TAFA4: variants seen among roughly 807,000 people sequenced by gnomAD.
TAFA4 encodes the protein chemokine-like protein TAFA-4.
In TAFA4, 20 loss-of-function variants were observed where a neutral mutation model predicts 21.1. That is an observed-to-expected ratio of 0.95 (90% confidence interval 0.67 to 1.38). The LOEUF (loss-of-function observed/expected upper bound fraction) is 1.38. TAFA4 is among the 40% of genes most tolerant of loss of function. The pLI is 0.00. For synonymous variants in TAFA4, 71 were observed against 67.4 expected (o/e 1.05, Z -0.26); for missense variants, 211 against 180.9 (o/e 1.17, Z -0.95).
chr3:68,868,748 T>C (rs1035964159), intron 3 of TAFA4, among the ~76,000 whole-genome samples: 1 of 151,612 alleles, frequency 6.6e-6, no homozygotes, highest in Non-Finnish European at 1.5e-5. Flanking sequence ...AAAAGCAGCA[T>C]TAAAAGTGAA....
At chr3:68,733,433 C>G (rs557722079) in intron 5 of TAFA4, among the ~76,000 whole-genome samples, 6 of 152,122 alleles carry the variant, frequency 3.9e-5, no homozygotes, top group Non-Finnish European at 7.4e-5. Flanking sequence ...GTACACTCAT[C>G]GCCCATCAGT....
At chr3:68,742,076 A>ATG (rs1702367020) in intron 4 of TAFA4, among the ~76,000 whole-genome samples, 1 of 152,362 alleles carries the variant, frequency 6.6e-6, no homozygotes, top group Admixed American at 6.5e-5. Context: ...TAATCAATAA[A>ATG]TGTGATACAC....
At chr3:68,900,921 A>C (rs1478273735) in intron 1 of TAFA4, among the ~76,000 whole-genome samples, 1 of 152,184 alleles carries the variant, frequency 6.6e-6, no homozygotes, top group Non-Finnish European at 1.5e-5. Flanking sequence ...CCCAGCCCCC[A>C]TCAAACCTTC....
At chr3:68,794,833 A>C (rs1703424369) in intron 3 of TAFA4, among the ~76,000 whole-genome samples, 1 of 152,074 alleles carries the variant, frequency 6.6e-6, no homozygotes, top group South Asian at 2.1e-4. Context: ...TATTAATACC[A>C]CTAATGCAGA....
intron 3 of TAFA4, among the ~76,000 whole-genome samples, chr3:68,856,218 C>T (rs778119512): frequency 1.3e-5 from 2 of 152,044 alleles, no homozygotes; most frequent in Non-Finnish European, 2.9e-5. Flanking sequence ...TAGTGGTTAC[C>T]CCTGAGGAGA....
intron 3 of TAFA4, among the ~76,000 whole-genome samples, chr3:68,802,930 T>C (rs964807204): frequency 7.2e-5 from 11 of 152,226 alleles, no homozygotes; most frequent in Non-Finnish European, 1.5e-4. Context: ...CTTTCTTCTT[T>C]GGCAATTTGC....
intron 3 of TAFA4, among the ~76,000 whole-genome samples, chr3:68,805,240 A>G (rs1182335710): frequency 6.6e-6 from 1 of 152,240 alleles, no homozygotes; most frequent in Non-Finnish European, 1.5e-5. Context: ...AATGCAAATC[A>G]AAACCACAAT....
At chr3:68,748,636 C>T (rs1270760755) in intron 4 of TAFA4, among the ~76,000 whole-genome samples, 2 of 151,674 alleles carry the variant, frequency 1.3e-5, no homozygotes, top group Admixed American at 6.6e-5. Flanking sequence ...CCCAGCTACT[C>T]GGGAGACTGA....
chr3:68,769,135 G>T (rs1702907593), intron 3 of TAFA4, among the ~76,000 whole-genome samples: 1 of 152,172 alleles, frequency 6.6e-6, no homozygotes, highest in Non-Finnish European at 1.5e-5. Context: ...TGTATTTACA[G>T]CTGCTCCCCA....
intron 3 of TAFA4, among the ~76,000 whole-genome samples, chr3:68,754,253 A>G (rs1045198264): frequency 3.3e-5 from 5 of 152,206 alleles, no homozygotes; most frequent in African/African-American, 1.2e-4. Flanking sequence ...AATTTTGCCA[A>G]TGTCCCAATA....
chr3:68,877,545 T>G (rs1039307617), intron 3 of TAFA4, among the ~76,000 whole-genome samples: 1 of 152,144 alleles, frequency 6.6e-6, no homozygotes, highest in Non-Finnish European at 1.5e-5. Flanking sequence ...ACATCCTCTC[T>G]ACAGCAGATT....
rs976471443 is a variant in TAFA4 at position 68,780,637 on chromosome 3, C to T, written c.131-27619G>A. 2.2e-4 allele frequency among the ~76,000 whole-genome samples: 34 copies of T among 152,196 alleles called. 1 individual carries two copies. Among genetic ancestry groups the T allele is most frequent in the African/African-American group, 8.2e-4 (34 of 41,436 alleles). On this transcript the variant is annotated intron_variant, in intron 3 of 5. Transcript: ENST00000295569. ...CTTGCCTTCCACCATGATTGTGAGG[C>T]TTCCTCAGCCACATGGAACTGTAAA...
intron 1 of TAFA4, among the ~76,000 whole-genome samples, chr3:68,891,495 C>G (rs896172985): frequency 6.6e-6 from 1 of 152,150 alleles, no homozygotes; most frequent in Admixed American, 6.5e-5. Context: ...TGGGATCTAC[C>G]GGGATAGCCT....
intron 3 of TAFA4, among the ~76,000 whole-genome samples, chr3:68,776,503 A>C (rs1703052263): frequency 6.6e-6 from 1 of 152,232 alleles, no homozygotes. Context: ...AAAGCTTTAA[A>C]ATATGTGAAA....
chr3:68,765,828 G>A (rs1314726565), intron 3 of TAFA4, among the ~76,000 whole-genome samples: 4 of 152,238 alleles, frequency 2.6e-5, no homozygotes. Context: ...GGCAGAAGTG[G>A]ATACCGAGGG....
intron 3 of TAFA4, among the ~76,000 whole-genome samples, chr3:68,804,766 C>T (rs1028571416): frequency 1.3e-5 from 2 of 152,160 alleles, no homozygotes; most frequent in African/African-American, 4.8e-5. Context: ...AAAGCTGAAA[C>T]TGGATCCCTT....
intron 3 of TAFA4, among the ~76,000 whole-genome samples, chr3:68,841,099 G>A (rs111517077): frequency 0.28 from 23,197 of 82,114 alleles, 6,303 homozygotes; most frequent in African/African-American, 0.44. Flanking sequence ...CGAGGCGGGC[G>A]GATCACGAGG....
intron 3 of TAFA4, among the ~76,000 whole-genome samples, chr3:68,868,953 T>TA (rs553726986): frequency 2.6e-3 from 399 of 150,684 alleles, no homozygotes; most frequent in Admixed American, 5.0e-3. Context: ...TTTGCAGAGA[T>TA]AAAAAAATTG....
rs559678064 is a variant in TAFA4, at chr3:68,898,761, G to A, written c.-122-13451C>T. Among the ~76,000 whole-genome samples the A allele has an allele frequency of 3.3e-5, 5 of 152,316 alleles. No individual in the cohort carries two copies. In the South Asian group the frequency reaches 1.0e-3, roughly 32 times the overall value. On this transcript the variant is annotated intron_variant, in intron 1 of 5. Transcript: ENST00000295569. ...TTAGAATAACCCTGTAAGGAAGTCTGTTTTGTTTTGTTTACATCTCTGTTT... is the reference window on the plus strand; with the variant it reads ...TTAGAATAACCCTGTAAGGAAGTCTATTTTGTTTTGTTTACATCTCTGTTT...
Sources: allele counts gnomAD v4.1 joint callset (sites outside exome capture counted in the v4.1 genomes callset), GRCh38; gene constraint gnomAD v4.1.1; transcripts MANE v1.5; gene names NCBI Gene and HGNC (gene_info 2026-07-23, HGNC 2026-07-21).